PALLD: variants seen among roughly 807,000 people sequenced by gnomAD.
PALLD encodes palladin.
PALLD carries 61 observed loss-of-function variants against 123.5 expected under a neutral mutation model. That is an observed-to-expected ratio of 0.49 (90% CI 0.40 to 0.61). The LOEUF is 0.61. Among genes scored for constraint, PALLD ranks in the 20% least tolerant of loss-of-function variants. The probability of loss-of-function intolerance (pLI) is 0.00; values close to 1 mark genes in which losing one functional copy is unlikely to be tolerated. For synonymous variants in PALLD, 465 were observed against 496.4 expected, an observed-to-expected ratio of 0.94 and a Z score of 0.84; for missense variants, 1,273 against 1,377.0, an observed-to-expected ratio of 0.92 and a Z score of 1.20.
chr4:168,512,463 T>TA, intron 2 of PALLD, 51 bp downstream of exon 2: 1 of 1,479,350 alleles, frequency 6.8e-7, no homozygotes, highest in Non-Finnish European at 9.4e-7. Flanking sequence ...ACTTTGGTGT[T>TA]ACTTTAATAT....
intron 1 of PALLD, among the ~76,000 whole-genome samples, chr4:168,506,422 A>G (rs1762008821): frequency 7.8e-6 from 1 of 128,908 alleles, no homozygotes; most frequent in African/African-American, 2.6e-5. Flanking sequence ...ACACACATAC[A>G]CCCTTTGTTA....
intron 2 of PALLD, among the ~76,000 whole-genome samples, chr4:168,526,444 C>T (rs541054720): frequency 4.6e-5 from 7 of 152,138 alleles, no homozygotes; most frequent in African/African-American, 1.7e-4. Context: ...AAATTATGAT[C>T]CAAAAAGAAA....
intron 2 of PALLD, among the ~76,000 whole-genome samples, chr4:168,647,136 C>T (rs1281274039): frequency 2.0e-5 from 3 of 152,176 alleles, no homozygotes; most frequent in Non-Finnish European, 4.4e-5. Flanking sequence ...GCTACATTAA[C>T]CATCCACTAT....
chr4:168,812,699 A>G (rs1298301557), intron 10 of PALLD, among the ~76,000 whole-genome samples: 18 of 152,336 alleles, frequency 1.2e-4, no homozygotes. Flanking sequence ...TACATTCACA[A>G]TCAGGCCTCC....
intron 10 of PALLD, among the ~76,000 whole-genome samples, chr4:168,758,037 C>T (rs1166628591): frequency 6.6e-6 from 1 of 152,192 alleles, no homozygotes; most frequent in Non-Finnish European, 1.5e-5. Context: ...CGCAACTACA[C>T]TCCAGCCTGG....
chr4:168,629,017 ATTTTTTT>A (rs550846487), intron 2 of PALLD, among the ~76,000 whole-genome samples: 10 of 139,944 alleles, frequency 7.1e-5, no homozygotes, highest in Admixed American at 6.5e-4. Flanking sequence ...TGCCTATAGT[ATTTTTTT>A]TTTTTTTTTG....
Position 168,855,089 on chromosome 4 carries a change from C to CT in PALLD, c.1965-35813dup, listed in dbSNP as rs11338063. On this transcript the variant is annotated intron_variant, in intron 10 of 21. Coordinates refer to ENST00000505667, the MANE Select transcript of PALLD (RefSeq NM_001166108.2). ...TGGGATAATGCTGAGAAGGAATGTT[C>CT]TTTTTTTTTTTTTTTTTTTTGAGAC... is the stretch of plus-strand genomic sequence containing the variant. 6.5e-3 allele frequency among the ~76,000 whole-genome samples: 675 copies of CT among 103,940 alleles called. 27 individuals carry two copies. Among genetic ancestry groups the CT allele is most frequent in the Admixed American group, 0.011 (107 of 9,362 alleles). The allele number at this position is 103,940 out of a possible 152,430, so 68.2% of individuals were successfully genotyped here.
chr4:168,666,123 C>T (rs1044393575), intron 2 of PALLD, among the ~76,000 whole-genome samples: 2 of 152,144 alleles, frequency 1.3e-5, no homozygotes, highest in Non-Finnish European at 2.9e-5. Flanking sequence ...AGTAGGCTTG[C>T]AGGCTATAAG....
intron 10 of PALLD, among the ~76,000 whole-genome samples, chr4:168,750,715 C>A (rs903337305): frequency 5.9e-5 from 9 of 152,148 alleles, no homozygotes; most frequent in African/African-American, 1.7e-4. Context: ...TTCTACTCAG[C>A]TGGGTTTGAC....
At chr4:168,702,954 T>C in intron 8 of PALLD, among the ~76,000 whole-genome samples, 1 of 148,604 alleles carries the variant, frequency 6.7e-6, no homozygotes. Context: ...CATGTGCACA[T>C]TGTGCAGGTT....
rs1450039629 is a variant in PALLD at position 168,896,565 on chromosome 4, A to G, written c.2216A>G (p.His739Arg). The G allele has an allele frequency of 1.3e-6, 2 of 1,513,252 alleles. No homozygotes were observed. The highest frequency in any genetic ancestry group is 1.8e-6 in the Non-Finnish European group (2 of 1,125,406). The allele number at this position is 1,513,252 out of a possible 1,614,324, so 93.7% of individuals were successfully genotyped here. Residue 739 changes from histidine (H) to arginine (R), a missense_variant, in exon 13 of 22, where the codon CAT becomes CGT. Around this residue, in one of 2 missense-constraint regions of PALLD, gnomAD observed 944 missense variants for 954.5 expected, o/e 0.99. Coordinates refer to ENST00000505667, the MANE Select transcript of PALLD (RefSeq NM_001166108.2). ...ETANQDIGSP[H>R]ASVGSPLDGQ... ...CCATTACAGGACATTGGTTCTCCTC[A>G]TGCTTCTGTAGGGAGTCCTCTGGAT...
intron 10 of PALLD, among the ~76,000 whole-genome samples, chr4:168,822,251 T>A (rs906023313): frequency 5.3e-5 from 8 of 151,660 alleles, no homozygotes; most frequent in African/African-American, 9.7e-5. Flanking sequence ...CTAGAGCTTT[T>A]GTTTGGTTTT....
intron 2 of PALLD, among the ~76,000 whole-genome samples, chr4:168,577,561 T>C (rs1046694724): frequency 1.3e-5 from 2 of 152,208 alleles, no homozygotes; most frequent in African/African-American, 4.8e-5. Flanking sequence ...ATTTAAAATA[T>C]ATCAAAAGTA....
chr4:168,738,310 A>G (rs1181425556), intron 10 of PALLD, among the ~76,000 whole-genome samples: 2 of 152,228 alleles, frequency 1.3e-5, no homozygotes, highest in African/African-American at 4.8e-5. Context: ...AGATGGCTGA[A>G]GGAGCCTCTA....
chr4:168,780,323 A>G (rs1295711556), intron 10 of PALLD, among the ~76,000 whole-genome samples: 1 of 152,134 alleles, frequency 6.6e-6, no homozygotes, highest in African/African-American at 2.4e-5. Flanking sequence ...CTTTTTTCCC[A>G]TGGCACACAC....
chr4:168,782,681 G>A (rs965225837), intron 10 of PALLD, among the ~76,000 whole-genome samples: 1 of 152,036 alleles, frequency 6.6e-6, no homozygotes, highest in African/African-American at 2.4e-5. Flanking sequence ...GGCCAAGGCA[G>A]GTGGATCACT....
At chr4:168,764,237 A>G (rs1733347959) in intron 10 of PALLD, among the ~76,000 whole-genome samples, 1 of 151,768 alleles carries the variant, frequency 6.6e-6, no homozygotes, top group Non-Finnish European at 1.5e-5. Context: ...TGAATAATGG[A>G]CCCTTGTTAC....
chr4:168,746,762 T>C (rs1730389762), intron 10 of PALLD, among the ~76,000 whole-genome samples: 1 of 152,130 alleles, frequency 6.6e-6, no homozygotes, highest in Non-Finnish European at 1.5e-5. Flanking sequence ...ATATAAATGA[T>C]AATAACTTGG....
chr4:168,570,163 C>G (rs1321066465), intron 2 of PALLD, among the ~76,000 whole-genome samples: 1 of 152,200 alleles, frequency 6.6e-6, no homozygotes, highest in African/African-American at 2.4e-5. Context: ...AAAAGTTTTA[C>G]TGCAATATGT....
Sources: gnomAD v4.1 joint callset for allele counts (sites outside exome capture counted in the v4.1 genomes callset) on GRCh38, gnomAD v4.1.1 for gene constraint, gnomAD v4.1.1 regional missense constraint, MANE v1.5 for transcripts, NCBI Gene and HGNC (gene_info 2026-07-23, HGNC 2026-07-21) for gene names.